OPCML: variants seen among roughly 807,000 people sequenced by gnomAD.
OPCML encodes the protein opioid-binding protein/cell adhesion molecule.
In OPCML, 13 loss-of-function variants were observed where a neutral mutation model predicts 37.8. The ratio of observed to expected loss-of-function variants is 0.34; its 90% CI spans 0.22 to 0.55. The LOEUF (loss-of-function observed/expected upper bound fraction) is 0.55, where lower values mean the gene tolerates loss of function less well. OPCML is among the 20% of genes least tolerant of loss of function. OPCML has a pLI of 0.91. For synonymous variants in OPCML, 176 were observed against 168.8 expected (o/e 1.04, Z -0.33); for missense variants, 341 against 435.6 (o/e 0.78, Z 1.93).
At chr11:133,015,383 G>T (rs1266611194) in intron 1 of OPCML, among the ~76,000 whole-genome samples, 1 of 90,978 alleles carries the variant, frequency 1.1e-5, no homozygotes, top group Non-Finnish European at 2.1e-5. Flanking sequence ...AAGGAAGGAA[G>T]GAAGGAAGGA....
At chr11:132,515,115 G>T (rs1031636108) in intron 4 of OPCML, among the ~76,000 whole-genome samples, 17 of 152,152 alleles carry the variant, frequency 1.1e-4, no homozygotes, top group African/African-American at 3.9e-4. Flanking sequence ...TGGAAAAGCA[G>T]GGGACTAGTG....
At chr11:133,367,890 G>A (rs1248784590) in intron 1 of OPCML, among the ~76,000 whole-genome samples, 1 of 152,208 alleles carries the variant, frequency 6.6e-6, no homozygotes, top group Non-Finnish European at 1.5e-5. Context: ...AAAGCAGAAT[G>A]TTGGGTGCAA....
At chr11:132,859,463 G>A (rs535766722) in intron 2 of OPCML, 9 of 152,338 alleles carry the variant, frequency 5.9e-5, no homozygotes, top group Non-Finnish European at 1.2e-4. Flanking sequence ...CAGCTGTGTA[G>A]ATTAGGTTTT....
chr11:133,148,914 C>G (rs1565473399), intron 1 of OPCML, among the ~76,000 whole-genome samples: 1 of 152,170 alleles, frequency 6.6e-6, no homozygotes, highest in Non-Finnish European at 1.5e-5. Flanking sequence ...CACCATACTT[C>G]AGGATTTAGG....
At chr11:132,569,149 C>A (rs1056056367) in intron 3 of OPCML, among the ~76,000 whole-genome samples, 6 of 152,156 alleles carry the variant, frequency 3.9e-5, no homozygotes, top group African/African-American at 1.2e-4. Flanking sequence ...AAGTTCTAAC[C>A]CCCAGTGCCT....
intron 3 of OPCML, among the ~76,000 whole-genome samples, chr11:132,621,382 TA>T (rs899398049): frequency 1.3e-5 from 2 of 152,162 alleles, no homozygotes; most frequent in Admixed American, 1.3e-4. Flanking sequence ...TCAAAATGGC[TA>T]AAAGATAAAA....
intron 3 of OPCML, among the ~76,000 whole-genome samples, chr11:132,537,225 G>A (rs941694643): frequency 6.6e-6 from 1 of 152,138 alleles, no homozygotes; most frequent in Non-Finnish European, 1.5e-5. Context: ...TTAAAAATCA[G>A]CATAAGGATA....
intron 1 of OPCML, among the ~76,000 whole-genome samples, chr11:133,411,160 C>A (rs915702391): frequency 4.6e-5 from 7 of 151,956 alleles, no homozygotes; most frequent in Admixed American, 4.6e-4. Flanking sequence ...CACATGGAAC[C>A]AATAGGGTCC....
chr11:132,983,347 G>A lies in OPCML; in HGVS notation c.62-40337C>T, dbSNP rs147157275. On this transcript the variant is annotated intron_variant, in intron 1 of 7. Transcript: ENST00000524381. ...CCAGGCCTGGTGCCAACTCCATCAA[G>A]TTCTCACTTTAATAAAAGCCTCTCA... Among the ~76,000 whole-genome samples, 288 of 152,336 alleles carry A rather than the reference G, an allele frequency of 1.9e-3. 3 individuals carry two copies. Among genetic ancestry groups the A allele is most frequent in the African/African-American group, 6.0e-3 (250 of 41,582 alleles).
At chr11:133,455,669 G>A (rs1192616521) in intron 1 of OPCML, among the ~76,000 whole-genome samples, 1 of 152,202 alleles carries the variant, frequency 6.6e-6, no homozygotes, top group Non-Finnish European at 1.5e-5. Context: ...ATGTAAAAGT[G>A]CTGAACAGCA....
At chr11:133,202,147 A>T (rs932861639) in intron 1 of OPCML, among the ~76,000 whole-genome samples, 7 of 152,158 alleles carry the variant, frequency 4.6e-5, no homozygotes, top group African/African-American at 1.7e-4. Context: ...ATAATCAAGG[A>T]GGGGTCTCTG....
intron 4 of OPCML, among the ~76,000 whole-genome samples, chr11:132,481,027 T>C (rs1346992738): frequency 6.6e-6 from 1 of 152,130 alleles, no homozygotes; most frequent in Non-Finnish European, 1.5e-5. Context: ...ATATTAATTA[T>C]TAACTTTAAA....
chr11:132,429,045 A>G (rs941688960), intron 7 of OPCML, among the ~76,000 whole-genome samples: 4 of 145,264 alleles, frequency 2.8e-5, no homozygotes, highest in African/African-American at 1.1e-4. Context: ...GGATGGATGG[A>G]TGGATGGATG....
Position 133,283,874 on chromosome 11 carries a change from C to T in OPCML, c.61+248390G>A, listed in dbSNP as rs150124011. Reference sequence around the variant, plus strand: ...CACATACCTGTGAGCCTTAAGAACACCCACCAGTTTCCAGCGTTTCTTTTA... The same window carrying T: ...CACATACCTGTGAGCCTTAAGAACATCCACCAGTTTCCAGCGTTTCTTTTA... On this transcript the variant is annotated intron_variant, in intron 1 of 7. Coordinates refer to ENST00000524381, the MANE Select transcript of OPCML (RefSeq NM_001012393.5). Among the ~76,000 whole-genome samples, 561 of 152,270 alleles carry T rather than the reference C, an allele frequency of 3.7e-3. 4 individuals carry two copies. The highest frequency in any genetic ancestry group is 6.0e-3 in the Non-Finnish European group (408 of 68,026).
chr11:133,119,053 G>A (rs1389422749), intron 1 of OPCML, among the ~76,000 whole-genome samples: 1 of 152,292 alleles, frequency 6.6e-6, no homozygotes, highest in Non-Finnish European at 1.5e-5. Flanking sequence ...GGCCAACTGT[G>A]CATATAAATA....
intron 2 of OPCML, among the ~76,000 whole-genome samples, chr11:132,792,907 G>A (rs1451624262): frequency 6.6e-6 from 1 of 152,200 alleles, no homozygotes; most frequent in Non-Finnish European, 1.5e-5. Context: ...CTGATAATGT[G>A]TTTCTGATAA....
chr11:133,079,553 C>T (rs1474027690), intron 1 of OPCML, among the ~76,000 whole-genome samples: 1 of 152,134 alleles, frequency 6.6e-6, no homozygotes, highest in Non-Finnish European at 1.5e-5. Context: ...GAGTACTCTA[C>T]ACTTGTTCTG....
intron 4 of OPCML, among the ~76,000 whole-genome samples, chr11:132,476,904 T>C (rs2136989635): frequency 6.6e-6 from 1 of 152,276 alleles, no homozygotes; most frequent in East Asian, 1.9e-4. Flanking sequence ...TTTGAAATAT[T>C]TTATCTACTA....
At chr11:132,458,759 G>C (rs937354780) in intron 4 of OPCML, among the ~76,000 whole-genome samples, 2 of 152,006 alleles carry the variant, frequency 1.3e-5, no homozygotes, top group Non-Finnish European at 2.9e-5. Flanking sequence ...TTGACATTTT[G>C]GTAAATAATG....
Sources: allele counts gnomAD v4.1 joint callset (sites outside exome capture counted in the v4.1 genomes callset), GRCh38; gene constraint gnomAD v4.1.1; transcripts MANE v1.5; gene names NCBI Gene and HGNC (gene_info 2026-07-23, HGNC 2026-07-21).